WDFY1: variants seen among roughly 807,000 people sequenced by gnomAD.
WDFY1 encodes the protein WD repeat and FYVE domain-containing protein 1.
WDFY1 carries 32 observed loss-of-function variants against 56.4 expected under a neutral mutation model. The ratio of observed to expected loss-of-function variants is 0.57; its 90% CI spans 0.43 to 0.76. The LOEUF (loss-of-function observed/expected upper bound fraction) is 0.76, where lower values mean the gene tolerates loss of function less well. Among genes scored for constraint, WDFY1 ranks in the 30% least tolerant of loss-of-function variants. The pLI is 0.00. For missense variants in WDFY1, 480 were observed against 545.7 expected (o/e 0.88, Z 1.20); for synonymous variants, 192 against 197.3 (o/e 0.97, Z 0.23).
At chr2:223,922,912 T>C (rs1223885803) in intron 1 of WDFY1, among the ~76,000 whole-genome samples, 2 of 152,246 alleles carry the variant, frequency 1.3e-5, no homozygotes, top group African/African-American at 4.8e-5. Flanking sequence ...CAGTATTACT[T>C]CCTTTGGAAG....
rs185341803 is a variant in WDFY1, at chr2:223,919,552, C to G, written c.138-1542G>C. Among the ~76,000 whole-genome samples, 3 of 152,292 alleles carry G rather than the reference C, an allele frequency of 2.0e-5. No individual in the cohort carries two copies. In the East Asian group the frequency reaches 5.8e-4, roughly 29 times the overall value. On this transcript the variant is annotated intron_variant, in intron 1 of 11. Transcript: ENST00000233055. ...TAAGATGCAGTCTTGCTCTGTGGCC[C>G]AGGCTGGAGTGCAGTGGTGCAATCA...
At position 223,893,352 on chromosome 2, in the gene WDFY1, A is replaced by AT. The variant is rs1254025573; in HGVS notation, c.831+881_831+882insA. Among the ~76,000 whole-genome samples the AT allele has an allele frequency of 3.9e-3, 574 of 148,590 alleles. 1 individual carries two copies. Among genetic ancestry groups the AT allele is most frequent in the African/African-American group, 0.013 (528 of 40,202 alleles). On this transcript the variant is annotated intron_variant, in intron 8 of 11. Coordinates refer to ENST00000233055, the MANE Select transcript of WDFY1 (RefSeq NM_020830.5). Reference sequence around the variant, plus strand: ...GACGATACAGCAAGACCCTGTCTCTACCAAAAAAAAAAAAAAAAAATTGAA... The same window carrying AT: ...GACGATACAGCAAGACCCTGTCTCTATCCAAAAAAAAAAAAAAAAAATTGAA...
intron 10 of WDFY1, among the ~76,000 whole-genome samples, chr2:223,881,328 G>A (rs1267252146): frequency 6.6e-6 from 1 of 152,198 alleles, no homozygotes; most frequent in African/African-American, 2.4e-5. Flanking sequence ...ACTTATCCCT[G>A]CATAGCAGCC....
rs34317110 is a variant in WDFY1, at chr2:223,886,729, TAAAAA to T, written c.832-1985_832-1981del. Among the ~76,000 whole-genome samples, 306 of 95,626 alleles carry T rather than the reference TAAAAA, an allele frequency of 3.2e-3. 1 individual carries two copies. Among genetic ancestry groups the T allele is most frequent in the African/African-American group, 0.011 (287 of 25,134 alleles). 62.7% of individuals were successfully genotyped at this position (95,626 alleles called of 152,430 possible). The stretch of plus-strand genomic sequence containing the variant: ...TAGGCGACAAGAGTGAAACTCCGTC[TAAAAA>T]AAAAAAAAAAAAAAAGCCTGTTTAA... On this transcript the variant is annotated intron_variant, in intron 8 of 11. Coordinates refer to ENST00000233055, the MANE Select transcript of WDFY1 (RefSeq NM_020830.5).
chr2:223,883,034 G>T (rs747643305), intron 9 of WDFY1, among the ~76,000 whole-genome samples: 1 of 151,894 alleles, frequency 6.6e-6, no homozygotes, highest in South Asian at 2.1e-4. Context: ...CAGCCTAAAG[G>T]GTTTTAAAAT....
intron 1 of WDFY1, among the ~76,000 whole-genome samples, chr2:223,923,633 C>G (rs558973585): frequency 2.0e-5 from 3 of 152,142 alleles, no homozygotes; most frequent in South Asian, 4.1e-4. Flanking sequence ...TGGTGGCGGG[C>G]ACCTGTAGTC....
chr2:223,878,592 A>C lies in WDFY1; in HGVS notation c.*79T>G, dbSNP rs1049343762. 4.7e-6 allele frequency: 5 copies of C among 1,069,238 alleles called. No homozygotes were observed. The highest frequency in any genetic ancestry group is 7.1e-6 in the Non-Finnish European group (5 of 701,506). The allele number at this position is 1,069,238 out of a possible 1,614,324, so 66.2% of individuals were successfully genotyped here. On this transcript the variant is annotated 3_prime_UTR_variant, in exon 12 of 12. Transcript: ENST00000233055. ...AGTGGCTACTGTCCATTCACGAGAC[A>C]GCGCTGTGGAGCTGCGTGAGAGGGA...
intron 1 of WDFY1, among the ~76,000 whole-genome samples, chr2:223,925,447 T>C (rs535365738): frequency 6.6e-6 from 1 of 152,280 alleles, no homozygotes; most frequent in East Asian, 1.9e-4. Context: ...AAGTTAACGA[T>C]CATCTGAACC....
At chr2:223,900,358 C>G (rs551566277) in intron 5 of WDFY1, among the ~76,000 whole-genome samples, 1 of 152,306 alleles carries the variant, frequency 6.6e-6, no homozygotes, top group Non-Finnish European at 1.5e-5. Flanking sequence ...TCATTTGTAG[C>G]AAACATTTTA....
intron 1 of WDFY1, among the ~76,000 whole-genome samples, chr2:223,922,809 GGAAAA>G (rs1264932029): frequency 6.6e-6 from 1 of 152,058 alleles, no homozygotes; most frequent in Admixed American, 6.6e-5. Flanking sequence ...TATTTAACCT[GGAAAA>G]GTCTAATGTT....
intron 9 of WDFY1, among the ~76,000 whole-genome samples, chr2:223,883,802 C>T (rs1383572941): frequency 4.6e-5 from 7 of 152,046 alleles, no homozygotes; most frequent in Admixed American, 1.3e-4. Flanking sequence ...TCCGCCACCA[C>T]ACCCAGCTAA....
At chr2:223,913,867 T>C (rs1693744371) in intron 2 of WDFY1, among the ~76,000 whole-genome samples, 1 of 152,088 alleles carries the variant, frequency 6.6e-6, no homozygotes, top group South Asian at 2.1e-4. Context: ...TTTTGTATTA[T>C]ATAGTAATAT....
In WDFY1 at chr2:223,912,247, AC is replaced by A; in HGVS notation, c.279+5del. 1 of 1,605,810 alleles carries A rather than the reference AC, an allele frequency of 6.2e-7. No homozygotes were observed. Among genetic ancestry groups the A allele is most frequent in the Non-Finnish European group, 8.5e-7 (1 of 1,177,682 alleles). ...ATACAATAAATACATTCTAAAAGCT[AC>A]CTACCATTACAGCTCCATTATCCTG... is the stretch of plus-strand genomic sequence containing the variant. On this transcript the variant is annotated splice_donor_5th_base_variant and intron_variant, in intron 3 of 11. Transcript: ENST00000233055.
chr2:223,930,071 C>G (rs563819936), intron 1 of WDFY1, among the ~76,000 whole-genome samples: 41 of 152,172 alleles, frequency 2.7e-4, no homozygotes, highest in Non-Finnish European at 5.0e-4. Flanking sequence ...AAGTTCAGGT[C>G]TAACTTCAAA....
intron 1 of WDFY1, among the ~76,000 whole-genome samples, chr2:223,929,059 G>T (rs1473918667): frequency 6.6e-6 from 1 of 152,180 alleles, no homozygotes; most frequent in Admixed American, 6.5e-5. Flanking sequence ...GATGCAGAAG[G>T]ACAGTGAAGG....
chr2:223,942,527 C>CTTTTTTTTTTT (rs57223015), intron 1 of WDFY1, among the ~76,000 whole-genome samples: 1,195 of 74,132 alleles, frequency 0.016, 76 homozygotes, highest in African/African-American at 0.024. Context: ...CAAAGGCTAA[C>CTTTTTTTTTTT]TTTTTTTTTT....
rs753029394 is a variant in WDFY1, at chr2:223,945,253, C to A, written c.32G>T (p.Ser11Ile). Residue 11 changes from serine (S) to isoleucine (I), a missense_variant, in exon 1 of 12, where the codon AGC becomes ATC. Transcript: ENST00000233055. MAAEIHSRPQ[S>I]SRPVLLSKIE... ...CTTGCTCAGCAGCACCGGGCGGCTG[C>A]TCTGCGGCCTGGAGTGGATTTCGGC... 6.3e-7 allele frequency: 1 copy of A among 1,587,018 alleles called. No homozygotes were observed. The highest frequency in any genetic ancestry group is 1.1e-5 in the South Asian group (1 of 89,220).
At chr2:223,895,665 CA>C in intron 6 of WDFY1, 35 bp from the exon 7 acceptor site, 1 of 1,610,284 alleles carries the variant, frequency 6.2e-7, no homozygotes, top group African/African-American at 1.3e-5. Context: ...GAGAGGGAGG[CA>C]GGGGAGAAGT....
chr2:223,917,271 G>A (rs375198609), intron 2 of WDFY1, among the ~76,000 whole-genome samples: 1 of 152,186 alleles, frequency 6.6e-6, no homozygotes, highest in African/African-American at 2.4e-5. Context: ...TTGGGCAAAG[G>A]TAGTCATGAC....
Sources: gnomAD v4.1 joint callset for allele counts (sites outside exome capture counted in the v4.1 genomes callset) on GRCh38, gnomAD v4.1.1 for gene constraint, MANE v1.5 for transcripts, NCBI Gene and HGNC (gene_info 2026-07-23, HGNC 2026-07-21) for gene names.